CDK12: variants seen among roughly 807,000 people sequenced by gnomAD.
CDK12 encodes the protein cyclin-dependent kinase 12.
Under a neutral mutation model 133.8 loss-of-function variants are expected in CDK12, and 17 were observed. That is an observed-to-expected ratio of 0.13 (90% CI 0.09 to 0.19). The LOEUF is 0.19. CDK12 is among the 10% of genes least tolerant of loss of function. CDK12 has a pLI of 1.00. For synonymous variants in CDK12, 694 were observed against 683.6 expected (o/e 1.02, Z -0.24); for missense variants, 1,508 against 1,818.7 (o/e 0.83, Z 3.11).
rs765045997 is a variant in CDK12, at chr17:39,462,921, G to A, written c.850G>A (p.Ala284Thr). Residue 284 changes from alanine to threonine, a missense_variant, in exon 1 of 14, where the codon GCC becomes ACC. By Grantham distance (58) the Ala-to-Thr change is moderately conservative. Around this residue, in one of 9 missense-constraint regions of CDK12, gnomAD observed 460 missense variants for 490.8 expected, o/e 0.94. Coordinates refer to ENST00000447079, the MANE Select transcript of CDK12 (RefSeq NM_016507.4). Reference protein sequence around the residue: ...SVSPPYKEPSAYQSSTRSPSP... With the variant: ...SVSPPYKEPSTYQSSTRSPSP... ...CAGTCCCCCTTACAAGGAGCCTTCG[G>A]CCTACCAGTCCAGCACCCGGTCACC... The A allele has an allele frequency of 1.9e-6, 3 of 1,614,166 alleles. No individual in the cohort carries two copies. The highest frequency in any genetic ancestry group is 8.5e-7 in the Non-Finnish European group (1 of 1,180,038).
chr17:39,499,457 C>A (rs2052553611), intron 5 of CDK12, among the ~76,000 whole-genome samples: 1 of 151,076 alleles, frequency 6.6e-6, no homozygotes, highest in African/African-American at 2.4e-5. Context: ...GATCTGCCCG[C>A]CTTGGCCTCC....
At chr17:39,562,902 CTTT>C (rs59852699) in intron 3 of CDK12, among the ~76,000 whole-genome samples, 5,684 of 92,300 alleles carry the variant, frequency 0.062, 106 homozygotes, top group Non-Finnish European at 0.09. Context: ...TTTTTCTTTT[CTTT>C]TTTTTTTTTT....
At chr17:39,480,111 A>G (rs1357280601) in intron 2 of CDK12, among the ~76,000 whole-genome samples, 2 of 151,608 alleles carry the variant, frequency 1.3e-5, no homozygotes, top group African/African-American at 2.4e-5. Context: ...TTTAGTAGAG[A>G]CGGGGTTTTA....
intron 12 of CDK12, 90 bp from the exon 13 acceptor site, chr17:39,525,774 G>A (rs1222499411): frequency 4.5e-6 from 4 of 891,522 alleles, no homozygotes; most frequent in African/African-American, 1.7e-5. Context: ...TCATTTTTTG[G>A]ATATTGTAAG....
At chr17:39,503,917 T>C (rs2052910575) in intron 6 of CDK12, among the ~76,000 whole-genome samples, 1 of 152,192 alleles carries the variant, frequency 6.6e-6, no homozygotes, top group African/African-American at 2.4e-5. Context: ...GTCAATCTTC[T>C]GTTTTGGAAA....
In CDK12 at chr17:39,555,828, T is replaced by TAC. The variant is rs60227908; in HGVS notation, n.357-402_357-401dup. 3.8e-3 allele frequency among the ~76,000 whole-genome samples: 415 copies of TAC among 108,676 alleles called. 5 individuals carry two copies. The highest frequency in any genetic ancestry group is 0.014 in the African/African-American group (374 of 26,944). 71.3% of individuals were successfully genotyped at this position (108,676 alleles called of 152,430 possible). A position where few individuals can be genotyped will look rare whatever the true frequency, so the allele number is the denominator to read the frequency against. On this transcript the variant is annotated intron_variant and non_coding_transcript_variant, in intron 2 of 3. Transcript: ENST00000558240. ...GGGAAACATAGTGAAACCTCATCTC[T>TAC]ACACACACACACACACACACACACA...
At chr17:39,562,688 GA>G (rs1173744101) in intron 3 of CDK12, among the ~76,000 whole-genome samples, 2 of 151,862 alleles carry the variant, frequency 1.3e-5, no homozygotes, top group South Asian at 2.1e-4. Flanking sequence ...TTTGGCACTG[GA>G]AAAAAAAGTT....
intron 2 of CDK12, among the ~76,000 whole-genome samples, chr17:39,474,417 C>T (rs1460899565): frequency 2.0e-5 from 3 of 152,138 alleles, no homozygotes; most frequent in Non-Finnish European, 4.4e-5. Context: ...CTCCCAGACT[C>T]AAGTGATCCT....
intron 6 of CDK12, among the ~76,000 whole-genome samples, chr17:39,504,105 A>G (rs2052926648): frequency 6.6e-6 from 1 of 152,184 alleles, no homozygotes; most frequent in Non-Finnish European, 1.5e-5. Context: ...AGAAAGTAAG[A>G]TAACTCACAG....
At chr17:39,543,440 T>C (rs964905171), upstream of CDK12, among the ~76,000 whole-genome samples, 1 of 152,190 alleles carries the variant, frequency 6.6e-6, no homozygotes, top group Non-Finnish European at 1.5e-5. Context: ...TCTGAGCATA[T>C]GAGTCTGGGA....
intron 1 of CDK12, among the ~76,000 whole-genome samples, chr17:39,542,208 C>T (rs1201521274): frequency 2.7e-5 from 4 of 149,456 alleles, no homozygotes; most frequent in Admixed American, 1.3e-4. Context: ...TTTTTTGAGA[C>T]GGAGTTTCGC....
In CDK12 at chr17:39,463,043, C is replaced by G. The variant is rs1371507637; in HGVS notation, c.972C>G (p.Pro324=). 1.2e-5 allele frequency: 19 copies of G among 1,614,090 alleles called. No individual in the cohort carries two copies. Among genetic ancestry groups the G allele is most frequent in the Non-Finnish European group, 1.5e-5 (18 of 1,180,050 alleles). The change falls in exon 1 of 14, where the codon CCC becomes CCG. Residue 324 remains proline (P), a synonymous_variant. Coordinates refer to ENST00000447079, the MANE Select transcript of CDK12 (RefSeq NM_016507.4). ...ERSGSYSGRS[P]SPYGRRRSSS... ...GTGGCTCTTACAGCGGGCGATCGCC[C>G]AGTCCCTATGGTCGAAGGCGGTCCA...
At chr17:39,466,823 T>C (rs2049361236) in intron 1 of CDK12, among the ~76,000 whole-genome samples, 1 of 151,946 alleles carries the variant, frequency 6.6e-6, no homozygotes, top group Non-Finnish European at 1.5e-5. Context: ...TGTTTGTATG[T>C]GTGCATTACA....
At chr17:39,472,727 C>T (rs993463149) in intron 2 of CDK12, among the ~76,000 whole-genome samples, 1 of 152,082 alleles carries the variant, frequency 6.6e-6, no homozygotes, top group Non-Finnish European at 1.5e-5. Context: ...ATTACAATAT[C>T]TTCATCACCC....
At chr17:39,504,044 G>A (rs1176726094) in intron 6 of CDK12, among the ~76,000 whole-genome samples, 2 of 152,116 alleles carry the variant, frequency 1.3e-5, no homozygotes, top group Admixed American at 6.6e-5. Flanking sequence ...GGATGGACTC[G>A]GTAGATCTGT....
Position 39,462,254 on chromosome 17 carries a change from A to G in CDK12, c.183A>G (p.Ala61=), listed in dbSNP as rs921081528. 4 of 1,614,218 alleles carry G rather than the reference A, an allele frequency of 2.5e-6. No homozygotes were observed. Among genetic ancestry groups the G allele is most frequent in the Non-Finnish European group, 3.4e-6 (4 of 1,180,042 alleles). ...TGGGGTTGGTGACCCCCGAAGCAGC[A>G]TCCCTGGGCACAGTTATCAAACCTT... ...KDMGLVTPEA[A]SLGTVIKPLV... The change falls in exon 1 of 14, where the codon GCA becomes GCG. Residue 61 remains alanine, a synonymous_variant. Transcript: ENST00000447079.
intron 7 of CDK12, among the ~76,000 whole-genome samples, chr17:39,511,259 C>T (rs1165600562): frequency 6.7e-6 from 1 of 149,176 alleles, no homozygotes; most frequent in African/African-American, 2.5e-5. Flanking sequence ...CTGTGTTGAC[C>T]AGGCTGGTCT....
At chr17:39,542,219 T>C (rs2055457706) in intron 1 of CDK12, among the ~76,000 whole-genome samples, 1 of 151,992 alleles carries the variant, frequency 6.6e-6, no homozygotes, top group South Asian at 2.1e-4. Flanking sequence ...GGAGTTTCGC[T>C]CTTGTCACTC....
At position 39,524,850 on chromosome 17, in the gene CDK12, C is replaced by T. The variant is rs1202425882; in HGVS notation, c.3272C>T (p.Pro1091Leu). The change falls in exon 12 of 14, where the codon CCT (proline) becomes CTT (leucine). Residue 1091 changes from proline to leucine, a missense_variant. By Grantham distance (98) the Pro-to-Leu change is moderately conservative. Transcript: ENST00000447079. The part of the protein sequence containing the change: ...NSSPAPPQPA[P>L]GKVESGAGDA... ...AGCCCAGCACCACCTCAGCCTGCTC[C>T]TGGCAAGGTGGAGTCTGGGGCTGGG... 6.2e-7 allele frequency: 1 copy of T among 1,614,122 alleles called. No homozygotes were observed. The highest frequency in any genetic ancestry group is 2.2e-5 in the East Asian group (1 of 44,884).
Sources: allele counts gnomAD v4.1 joint callset (sites outside exome capture counted in the v4.1 genomes callset), GRCh38; gene constraint gnomAD v4.1.1; regional missense constraint gnomAD v4.1.1; transcripts MANE v1.5; gene names NCBI Gene and HGNC (gene_info 2026-07-23, HGNC 2026-07-21).